Variants in TRIM33 observed in about 807,000 individuals in gnomAD.
TRIM33 encodes tripartite motif containing 33.
A neutral mutation model predicts 125.4 loss-of-function variants in TRIM33; 20 were observed. The observed-to-expected ratio is 0.16, with a 90% CI of 0.11 to 0.23. The LOEUF (loss-of-function observed/expected upper bound fraction) is 0.23, where lower values mean the gene tolerates loss of function less well. Ranked by LOEUF, TRIM33 falls within the 10% of genes least tolerant of loss-of-function variation. The pLI, the probability that TRIM33 is intolerant of heterozygous loss-of-function variation, is 1.00. For synonymous variants in TRIM33, 564 were observed against 513.9 expected, an observed-to-expected ratio of 1.10 and a Z score of -1.32; for missense variants, 920 against 1,411.4, an observed-to-expected ratio of 0.65 and a Z score of 5.58.
At chr1:114,398,132 AATTCT>A in intron 18 of TRIM33, 142 bp from the exon 19 acceptor site, 1 of 781,392 alleles carries the variant, frequency 1.3e-6, no homozygotes, top group Non-Finnish European at 2.0e-6. Context: ...GCTTTTCTAA[AATTCT>A]ACAGAACATG....
intron 4 of TRIM33, among the ~76,000 whole-genome samples, chr1:114,437,289 A>C (rs1051567740): frequency 6.6e-6 from 1 of 152,228 alleles, no homozygotes; most frequent in African/African-American, 2.4e-5. Flanking sequence ...TGATTAATAC[A>C]TAAATACTTC....
Position 114,405,394 on chromosome 1 carries a change from A to G in TRIM33, c.2768+16T>C, listed in dbSNP as rs1285501754. 2 of 1,567,928 alleles carry G rather than the reference A, an allele frequency of 1.3e-6. No individual in the cohort carries two copies. The highest frequency in any genetic ancestry group is 8.6e-7 in the Non-Finnish European group (1 of 1,156,122). On this transcript the variant is annotated intron_variant, in intron 15 of 19. Transcript: ENST00000358465. Reference sequence around the variant, plus strand: ...TTATGAAAATCAACACCAAAAATCAATTATTTCACTGGTACCTTGGAAAGC... The same window carrying G: ...TTATGAAAATCAACACCAAAAATCAGTTATTTCACTGGTACCTTGGAAAGC...
chr1:114,502,385 T>C (rs1019950215), intron 1 of TRIM33, among the ~76,000 whole-genome samples: 6 of 152,242 alleles, frequency 3.9e-5, no homozygotes, highest in South Asian at 2.1e-4. Flanking sequence ...AGCTTTTGTT[T>C]AGATGGGGTA....
intron 11 of TRIM33, among the ~76,000 whole-genome samples, chr1:114,414,932 T>C (rs1163995683): frequency 6.6e-6 from 1 of 151,228 alleles, no homozygotes; most frequent in African/African-American, 2.4e-5. Flanking sequence ...ATTTATTAAA[T>C]ACTTATATGT....
At chr1:114,421,040 C>G (rs915314772) in intron 11 of TRIM33, among the ~76,000 whole-genome samples, 10 of 152,078 alleles carry the variant, frequency 6.6e-5, no homozygotes, top group Admixed American at 6.5e-4. Context: ...ATATACTATA[C>G]AGCCTCTAAA....
rs1381773831 is a variant in TRIM33, at chr1:114,410,237, G to A, written c.2141C>T (p.Thr714Ile). The A allele has an allele frequency of 6.2e-7, 1 of 1,614,074 alleles. No individual in the cohort carries two copies. The highest frequency in any genetic ancestry group is 8.5e-7 in the Non-Finnish European group (1 of 1,179,962). Residue 714 changes from threonine (T) to isoleucine (I), a missense_variant, in exon 12 of 20, where the codon ACA becomes ATA. Thr to Ile is a moderately conservative substitution (Grantham distance 89, BLOSUM62 -1). This residue lies in a region of TRIM33 where 407 missense variants were observed against 589.7 expected (regional missense o/e 0.69). Transcript: ENST00000358465. The stretch of plus-strand genomic sequence containing the variant: ...ACCTGGAGAAGGATTCATGGTGCTT[G>A]TAGGCTGTGGGGGTAGGTGACTGCC... ...ISGSHLPPQP[T>I]STMNPSPGPS...
Position 114,501,189 on chromosome 1 carries a change from CA to C in TRIM33, c.526+9361del, listed in dbSNP as rs775867907. ...TGGGCGACAGAGCGAGACTCCGTCT[CA>C]AAAAAAAAAAAAAAAAAAAAAAGAA... On this transcript the variant is annotated intron_variant, in intron 1 of 19. Transcript: ENST00000358465. 4.7e-3 allele frequency among the ~76,000 whole-genome samples: 109 copies of C among 23,168 alleles called. 2 individuals carry two copies. The highest frequency in any genetic ancestry group is 0.01 in the South Asian group (7 of 682). 15.2% of individuals were successfully genotyped at this position (23,168 alleles called of 152,430 possible).
At chr1:114,426,992 A>G (rs1647629119) in intron 8 of TRIM33, among the ~76,000 whole-genome samples, 185 bp downstream of exon 8, 1 of 152,252 alleles carries the variant, frequency 6.6e-6, no homozygotes, top group Non-Finnish European at 1.5e-5. Context: ...AACTTTCTTA[A>G]GATGTAATAA....
At chr1:114,479,353 A>C (rs7538458) in intron 1 of TRIM33, among the ~76,000 whole-genome samples, 3,923 of 152,090 alleles carry the variant, frequency 0.026, 87 homozygotes, top group Non-Finnish European at 0.034. Context: ...AATGAATCAA[A>C]CCAAACACAT....
At chr1:114,461,966 T>A (rs777892759) in intron 4 of TRIM33, among the ~76,000 whole-genome samples, 21 of 152,334 alleles carry the variant, frequency 1.4e-4, no homozygotes, top group Admixed American at 1.3e-4. Flanking sequence ...TATAGTCAAA[T>A]TTGAGACATT....
chr1:114,444,791 G>T (rs1252320656), intron 4 of TRIM33, among the ~76,000 whole-genome samples: 1 of 152,050 alleles, frequency 6.6e-6, no homozygotes, highest in African/African-American at 2.4e-5. Flanking sequence ...AAATTATCAG[G>T]CATTCAAAGA....
intron 9 of TRIM33, 73 bp from the exon 10 acceptor site, chr1:114,424,828 T>G: frequency 9.4e-7 from 1 of 1,061,010 alleles, no homozygotes; most frequent in South Asian, 2.6e-5. Flanking sequence ...AATGTAATCA[T>G]AAAAATAATT....
intron 1 of TRIM33, among the ~76,000 whole-genome samples, chr1:114,503,176 T>C (rs2101575449): frequency 6.6e-6 from 1 of 152,310 alleles, no homozygotes. Context: ...TTGACTACTC[T>C]CTCGCGTTAA....
chr1:114,435,759 C>T (rs1342283692), intron 4 of TRIM33, among the ~76,000 whole-genome samples: 1 of 151,680 alleles, frequency 6.6e-6, no homozygotes, highest in South Asian at 2.1e-4. Context: ...CAGGGTCTCA[C>T]TCTATCACCC....
At chr1:114,470,889 T>A (rs527489171) in intron 1 of TRIM33, among the ~76,000 whole-genome samples, 3 of 152,198 alleles carry the variant, frequency 2.0e-5, no homozygotes, top group Non-Finnish European at 4.4e-5. Flanking sequence ...AAGCTTCGAC[T>A]TCCTGGGCTC....
intron 11 of TRIM33, among the ~76,000 whole-genome samples, chr1:114,411,982 G>A (rs769031252): frequency 5.9e-5 from 9 of 152,184 alleles, no homozygotes; most frequent in Non-Finnish European, 1.2e-4. Context: ...ATAGGAAAAT[G>A]AGCAAAGATA....
chr1:114,477,002 G>C (rs1651013025), intron 1 of TRIM33, among the ~76,000 whole-genome samples: 1 of 152,068 alleles, frequency 6.6e-6, no homozygotes, highest in South Asian at 2.1e-4. Context: ...ACCTACCAAA[G>C]GCAATGCAAA....
chr1:114,497,460 C>A (rs1348126828), intron 1 of TRIM33, among the ~76,000 whole-genome samples: 2 of 152,040 alleles, frequency 1.3e-5, no homozygotes, highest in East Asian at 1.9e-4. Context: ...CCACACCCAG[C>A]GAATTTTTTT....
intron 1 of TRIM33, 33 bp from the exon 2 acceptor site, chr1:114,464,421 T>C (rs764575265): frequency 7.8e-7 from 1 of 1,274,866 alleles, no homozygotes; most frequent in Non-Finnish European, 1.1e-6. Context: ...TTTAAAATAT[T>C]CTTCAGGAAT....
Sources: gnomAD v4.1 joint callset for allele counts (sites outside exome capture counted in the v4.1 genomes callset) on GRCh38, gnomAD v4.1.1 for gene constraint, gnomAD v4.1.1 regional missense constraint, MANE v1.5 for transcripts, NCBI Gene and HGNC (gene_info 2026-07-23, HGNC 2026-07-21) for gene names.